CMTM1: variants seen among roughly 807,000 people sequenced by gnomAD.
CMTM1 encodes CKLF-like MARVEL transmembrane domain-containing protein 1.
CMTM1 carries 16 observed loss-of-function variants against 17.8 expected under a neutral mutation model. The observed-to-expected ratio is 0.90, with a 90% CI of 0.61 to 1.37. The LOEUF is 1.37. Ranked by LOEUF, CMTM1 falls within the 40% of genes most tolerant of loss-of-function variation. The pLI, the probability that CMTM1 is intolerant of heterozygous loss-of-function variation, is 0.00. For missense variants in CMTM1, 354 were observed against 375.6 expected, an observed-to-expected ratio of 0.94 and a Z score of 0.47; for synonymous variants, 169 against 154.6, an observed-to-expected ratio of 1.09 and a Z score of -0.69.
At chr16:66,569,624 T>C (rs945039897) in intron 1 of CMTM1, among the ~76,000 whole-genome samples, 11 of 152,230 alleles carry the variant, frequency 7.2e-5, no homozygotes, top group Non-Finnish European at 1.6e-4. Context: ...TCAATGTATA[T>C]GTACTTTACC....
intron 2 of CMTM1, among the ~76,000 whole-genome samples, chr16:66,573,688 T>TTC (rs1212941791): frequency 6.9e-6 from 1 of 145,246 alleles, no homozygotes; most frequent in Non-Finnish European, 1.5e-5. Context: ...TTTTTCTTTT[T>TTC]TTTTTTTTTT....
In CMTM1 at chr16:66,577,136, C is replaced by T. The variant is rs770787117; in HGVS notation, c.624C>T (p.Phe208=). Residue 208 remains phenylalanine (F), a synonymous_variant, in exon 3 of 4, where the codon TTC becomes TTT. Coordinates refer to ENST00000379500, the MANE Select transcript of CMTM1 (RefSeq NM_052999.4). ...DLTNSIITAV[F]LSVVAILAMQ... is the part of the protein sequence containing the mutation. The stretch of plus-strand genomic sequence containing the variant: ...CCAACAGTATCATTACAGCTGTGTT[C>T]CTTTCAGTAGTTGCCATCTTGGCCA... 1.1e-5 allele frequency: 17 copies of T among 1,613,906 alleles called. No individual in the cohort carries two copies. In the Admixed American group the frequency reaches 2.7e-4, roughly 25 times the overall value.
chr16:66,571,221 T>C (rs2144632269), intron 2 of CMTM1: 1 of 451,972 alleles, frequency 2.2e-6, no homozygotes, highest in Non-Finnish European at 4.4e-6. Context: ...TGGAGAGGTT[T>C]CTCAGGGGAA....
chr16:66,572,779 G>A (rs1597167330), intron 2 of CMTM1, among the ~76,000 whole-genome samples: 1 of 152,158 alleles, frequency 6.6e-6, no homozygotes, highest in East Asian at 1.9e-4. Context: ...GACTTTAAGT[G>A]GCGATTTCTA....
chr16:66,568,929 A>G (rs1324483338), intron 1 of CMTM1, among the ~76,000 whole-genome samples: 2 of 152,166 alleles, frequency 1.3e-5, no homozygotes, highest in African/African-American at 4.8e-5. Context: ...CTTTCAGCTA[A>G]TGTAATTGCA....
chr16:66,576,134 C>T (rs572496139), intron 2 of CMTM1, among the ~76,000 whole-genome samples: 11 of 152,274 alleles, frequency 7.2e-5, no homozygotes, highest in African/African-American at 1.7e-4. Context: ...CGGTGGCTCA[C>T]GCCTATAATC....
Position 66,566,851 on chromosome 16 carries a change from G to C in CMTM1, c.338G>C (p.Arg113Pro). The change falls in exon 1 of 4, where the codon CGC becomes CCC. Residue 113 changes from arginine to proline, a missense_variant. By Grantham distance (103) the Arg-to-Pro change is moderately radical. Coordinates refer to ENST00000379500, the MANE Select transcript of CMTM1 (RefSeq NM_052999.4). This position sits in a 1 kb window ranked among gnomAD's most constrained non-coding sequence, Gnocchi z 4.9. The part of the protein sequence containing the change: ...KLLNEMAIKE[R>P]VEGRAKVPYK... ...TTAAATGAGATGGCGATCAAAGAGC[G>C]CGTGGAGGGCCGAGCCAAAGTCCCG... is the stretch of plus-strand genomic sequence containing the variant. The C allele has an allele frequency of 6.2e-7, 1 of 1,611,726 alleles. No homozygotes were observed. The highest frequency in any genetic ancestry group is 8.5e-7 in the Non-Finnish European group (1 of 1,179,934).
At chr16:66,568,496 G>T (rs1009147913) in intron 1 of CMTM1, among the ~76,000 whole-genome samples, 1 of 152,098 alleles carries the variant, frequency 6.6e-6, no homozygotes, top group African/African-American at 2.4e-5. Flanking sequence ...AATATCAGAA[G>T]TATTATTTAT....
chr16:66,575,013 C>T (rs952956641), intron 2 of CMTM1: 2 of 985,288 alleles, frequency 2.0e-6, no homozygotes, highest in Non-Finnish European at 2.4e-6. Context: ...GCAGACCTCT[C>T]GCTCAGCCTG....
chr16:66,575,204 G>T, intron 2 of CMTM1: 1 of 985,372 alleles, frequency 1.0e-6, no homozygotes, highest in Non-Finnish European at 1.2e-6. Context: ...AGTTTGCAGA[G>T]AGTTTACTAT....
intron 2 of CMTM1, among the ~76,000 whole-genome samples, chr16:66,570,793 TACAG>T: frequency 6.6e-6 from 1 of 152,140 alleles, no homozygotes; most frequent in African/African-American, 2.4e-5. Flanking sequence ...ATTTAAGAAA[TACAG>T]AGAAGGAAAA....
chr16:66,567,285 C>A, intron 1 of CMTM1: 4 of 380,964 alleles, frequency 1.0e-5, no homozygotes, highest in South Asian at 9.3e-5. Context: ...TTAGGTATTT[C>A]TCCTAATGCT....
chr16:66,569,841 A>C, intron 1 of CMTM1, 95 bp from the exon 2 acceptor site: 1 of 814,916 alleles, frequency 1.2e-6, no homozygotes, highest in Non-Finnish European at 1.9e-6. Context: ...AAAACAATAC[A>C]GGCCACTGTA....
rs755308539 is a variant in CMTM1 at position 66,579,017 on chromosome 16, C to CT, written c.*17dup. ...GCCCGCCTGAAGCCAGCCCGGCGCCCTAGCAGATGCACGTGTCTGTCGAAT... is the reference window on the plus strand; with the variant it reads ...GCCCGCCTGAAGCCAGCCCGGCGCCCTTAGCAGATGCACGTGTCTGTCGAAT... On this transcript the variant is annotated 3_prime_UTR_variant, in exon 4 of 4. Transcript: ENST00000379500. The surrounding 1 kb of genome is among the most constrained non-coding windows in gnomAD (Gnocchi z 6.5). The CT allele has an allele frequency of 6.2e-7, 1 of 1,610,636 alleles. No homozygotes were observed. The highest frequency in any genetic ancestry group is 1.1e-5 in the South Asian group (1 of 90,822).
intron 3 of CMTM1, 81 bp downstream of exon 3, chr16:66,577,283 C>T: frequency 8.5e-7 from 1 of 1,175,858 alleles, no homozygotes; most frequent in Non-Finnish European, 1.2e-6. Context: ...CCCATTATAT[C>T]ATTAACCAAG....
chr16:66,570,631 T>A lies in CMTM1; in HGVS notation c.591+537T>A, dbSNP rs564077530. Among the ~76,000 whole-genome samples the A allele has an allele frequency of 4.6e-5, 7 of 152,302 alleles. No homozygotes were observed. In the East Asian group the frequency reaches 1.4e-3, roughly 29 times the overall value. On this transcript the variant is annotated intron_variant, in intron 2 of 3. Transcript: ENST00000379500. ...CCTTCTTTAATAGCTTTTCCCAGAC[T>A]TTCACATTCTTTGCCAACTGAACAA...
chr16:66,566,848 A>C lies in CMTM1; in HGVS notation c.335A>C (p.Glu112Ala). The C allele has an allele frequency of 1.2e-6, 2 of 1,611,542 alleles. No homozygotes were observed. Among genetic ancestry groups the C allele is most frequent in the East Asian group, 2.2e-5 (1 of 44,540 alleles). ...CTCTTAAATGAGATGGCGATCAAAG[A>C]GCGCGTGGAGGGCCGAGCCAAAGTC... ...SKLLNEMAIK[E>A]RVEGRAKVPY... is the part of the protein sequence containing the mutation. The change falls in exon 1 of 4, where the codon GAG becomes GCG. Residue 112 changes from glutamate (E) to alanine (A), a missense_variant. Coordinates refer to ENST00000379500, the MANE Select transcript of CMTM1 (RefSeq NM_052999.4). The surrounding 1 kb of genome is among the most constrained non-coding windows in gnomAD (Gnocchi z 4.9).
chr16:66,576,980 C>T (rs2014326623), intron 2 of CMTM1, 124 bp from the exon 3 acceptor site: 2 of 780,250 alleles, frequency 2.6e-6, no homozygotes, highest in Non-Finnish European at 2.0e-6. Context: ...AAGGTTCCTC[C>T]TCATCTTAAT....
chr16:66,572,956 T>C (rs573637937), intron 2 of CMTM1, among the ~76,000 whole-genome samples: 60 of 152,328 alleles, frequency 3.9e-4, no homozygotes, highest in African/African-American at 1.4e-3. Flanking sequence ...ACAGGTGACC[T>C]GCTCAGATCT....
Sources: allele counts gnomAD v4.1 joint callset (sites outside exome capture counted in the v4.1 genomes callset), GRCh38; gene constraint gnomAD v4.1.1; non-coding constraint Gnocchi (gnomAD v3.1); transcripts MANE v1.5; gene names NCBI Gene and HGNC (gene_info 2026-07-23, HGNC 2026-07-21).